Variants in USP40 observed in about 807,000 individuals in gnomAD.
USP40 encodes ubiquitin specific peptidase 40.
A neutral mutation model predicts 166.2 loss-of-function variants in USP40; 143 were observed. The ratio of observed to expected loss-of-function variants is 0.86; its 90% CI spans 0.75 to 0.99. The LOEUF is 0.99. Ranked by LOEUF, USP40 falls within the 50% of genes least tolerant of loss-of-function variation. The probability of loss-of-function intolerance (pLI) is 0.00; values close to 1 mark genes in which losing one functional copy is unlikely to be tolerated. For missense variants in USP40, 1,444 were observed against 1,479.7 expected (o/e 0.98, Z 0.40); for synonymous variants, 498 against 524.0 (o/e 0.95, Z 0.68).
At chr2:233,504,555 G>T (rs930979127) in intron 21 of USP40, among the ~76,000 whole-genome samples, 24 of 151,828 alleles carry the variant, frequency 1.6e-4, no homozygotes, top group Non-Finnish European at 2.9e-5. Context: ...AATTGATAAT[G>T]GTCATTGTAG....
At chr2:233,506,985 A>G (rs1340517876) in intron 21 of USP40, among the ~76,000 whole-genome samples, 1 of 152,156 alleles carries the variant, frequency 6.6e-6, no homozygotes, top group African/African-American at 2.4e-5. Context: ...AGCAAAAAAA[A>G]AGTACCTGAT....
intron 28 of USP40, among the ~76,000 whole-genome samples, chr2:233,487,027 G>C (rs1397741393): frequency 6.6e-6 from 1 of 152,246 alleles, no homozygotes; most frequent in Non-Finnish European, 1.5e-5. Context: ...GAAGGGGCCT[G>C]AGGAGGCACA....
chr2:233,500,071 A>C (rs2065977176), intron 21 of USP40, among the ~76,000 whole-genome samples, 156 bp from the exon 22 acceptor site: 1 of 152,206 alleles, frequency 6.6e-6, no homozygotes, highest in Admixed American at 6.5e-5. Context: ...ATAATACACG[A>C]GTCAGCTTTC....
chr2:233,511,143 G>C (rs1393056241), intron 20 of USP40, among the ~76,000 whole-genome samples: 1 of 152,180 alleles, frequency 6.6e-6, no homozygotes. Flanking sequence ...GTAATAAGCT[G>C]ATTAGCTGGG....
chr2:233,553,820 T>C (rs1234294597), intron 6 of USP40, among the ~76,000 whole-genome samples: 1 of 127,102 alleles, frequency 7.9e-6, no homozygotes, highest in Non-Finnish European at 1.8e-5. Context: ...TGGCAAAAGA[T>C]ATCAGTTGCT....
intron 31 of USP40, among the ~76,000 whole-genome samples, chr2:233,479,389 C>T (rs2064391034): frequency 6.6e-6 from 1 of 152,088 alleles, no homozygotes; most frequent in African/African-American, 2.4e-5. Context: ...ATGGTGAAAC[C>T]TCGTCTCTAC....
intron 1 of USP40, 62 bp from the exon 2 acceptor site, chr2:233,565,635 A>C: frequency 1.5e-6 from 2 of 1,348,526 alleles, no homozygotes; most frequent in Non-Finnish European, 2.0e-6. Flanking sequence ...AAATCCCCCT[A>C]CCTTACACTT....
chr2:233,479,478 G>A (rs561529272), intron 31 of USP40, among the ~76,000 whole-genome samples: 1 of 151,804 alleles, frequency 6.6e-6, no homozygotes, highest in Non-Finnish European at 1.5e-5. Flanking sequence ...CAGGAGAATC[G>A]CTTGAACCCG....
chr2:233,522,331 C>T (rs1285461364), intron 16 of USP40, among the ~76,000 whole-genome samples: 10 of 152,180 alleles, frequency 6.6e-5, no homozygotes, highest in African/African-American at 1.9e-4. Context: ...CCAATAAATG[C>T]ATACTGCCTT....
chr2:233,489,763 T>C, intron 26 of USP40: 1 of 312,578 alleles, frequency 3.2e-6, no homozygotes, highest in South Asian at 5.2e-5. Context: ...AATCATCATG[T>C]TTAAAAAATG....
At chr2:233,507,493 T>C (rs186484468) in intron 21 of USP40, among the ~76,000 whole-genome samples, 18 of 151,276 alleles carry the variant, frequency 1.2e-4, no homozygotes, top group Middle Eastern at 3.4e-3. Flanking sequence ...TATTCAGCCA[T>C]AAAAAAGAAT....
At chr2:233,497,492 G>T (rs1215055554) in intron 23 of USP40, among the ~76,000 whole-genome samples, 1 of 152,134 alleles carries the variant, frequency 6.6e-6, no homozygotes, top group Non-Finnish European at 1.5e-5. Context: ...GGAAGGGGTG[G>T]AAAAGCTGAC....
At chr2:233,537,370 A>G (rs1224039287) in intron 10 of USP40, among the ~76,000 whole-genome samples, 2 of 152,184 alleles carry the variant, frequency 1.3e-5, no homozygotes, top group Admixed American at 6.5e-5. Context: ...CCAGAAAAAG[A>G]AAGAGAGATG....
chr2:233,555,557 A>G (rs1272232382), intron 5 of USP40, among the ~76,000 whole-genome samples: 1 of 152,096 alleles, frequency 6.6e-6, no homozygotes, highest in Non-Finnish European at 1.5e-5. Flanking sequence ...CTGATTTACT[A>G]CATCATAGCT....
chr2:233,554,287 G>C (rs2070848245), intron 6 of USP40, 93 bp downstream of exon 6: 1 of 1,308,404 alleles, frequency 7.6e-7, no homozygotes, highest in African/African-American at 1.5e-5. Context: ...AGTGTCAACA[G>C]CTTCAAGTAT....
At chr2:233,552,534 T>C (rs2070674349) in intron 6 of USP40, among the ~76,000 whole-genome samples, 1 of 152,252 alleles carries the variant, frequency 6.6e-6, no homozygotes, top group African/African-American at 2.4e-5. Context: ...AAGGTTCTTA[T>C]TTTGTAATGT....
intron 10 of USP40, among the ~76,000 whole-genome samples, chr2:233,539,632 T>C (rs1437874440): frequency 6.6e-6 from 1 of 151,926 alleles, no homozygotes; most frequent in Non-Finnish European, 1.5e-5. Context: ...TAATCAACAA[T>C]ATAATTTGTT....
chr2:233,523,443 AGTAGAGGTT>A lies in USP40; in HGVS notation c.1919_1927del (p.Glu640_Leu643delinsVal), dbSNP rs1226049030. Reference sequence around the variant, plus strand: ...TGTGTCTAGATGAAGAACATTTAAAAGTAGAGGTTCGCAGTCAATACCAGTTTGAATGTG... The same window carrying A: ...TGTGTCTAGATGAAGAACATTTAAAACGCAGTCAATACCAGTTTGAATGTG... On this transcript the variant is annotated inframe_deletion, in exon 16 of 32. Transcript: ENST00000678225. The A allele has an allele frequency of 6.2e-7, 1 of 1,614,006 alleles. No homozygotes were observed. The highest frequency in any genetic ancestry group is 8.5e-7 in the Non-Finnish European group (1 of 1,179,882).
chr2:233,565,305 T>C (rs564881344), intron 2 of USP40, 51 bp downstream of exon 2: 3 of 1,334,088 alleles, frequency 2.2e-6, no homozygotes, highest in Non-Finnish European at 3.1e-6. Context: ...ATTAATTACA[T>C]GTAAAGAAGA....
Sources: gnomAD v4.1 joint callset for allele counts (sites outside exome capture counted in the v4.1 genomes callset) on GRCh38, gnomAD v4.1.1 for gene constraint, MANE v1.5 for transcripts, NCBI Gene and HGNC (gene_info 2026-07-23, HGNC 2026-07-21) for gene names.